Variants in TNS3 observed in about 807,000 individuals in gnomAD.
The protein encoded by TNS3 is tensin 3.
TNS3 carries 45 observed loss-of-function variants against 140.9 expected under a neutral mutation model. That is an observed-to-expected ratio of 0.32 (90% CI 0.25 to 0.41). The LOEUF (loss-of-function observed/expected upper bound fraction) is 0.41. Ranked by LOEUF, TNS3 falls within the 10% of genes least tolerant of loss-of-function variation. The probability of loss-of-function intolerance (pLI) is 1.00; values close to 1 mark genes in which losing one functional copy is unlikely to be tolerated. For missense variants in TNS3, 1,716 were observed against 1,906.7 expected (o/e 0.90, Z 1.86); for synonymous variants, 815 against 788.4 (o/e 1.03, Z -0.56).
intron 6 of TNS3, among the ~76,000 whole-genome samples, chr7:47,439,100 T>C (rs1278043159): frequency 1.3e-5 from 2 of 152,154 alleles, no homozygotes; most frequent in Non-Finnish European, 2.9e-5. Context: ...CCCACCTAAT[T>C]TGTCTTCCTA....
intron 1 of TNS3, among the ~76,000 whole-genome samples, chr7:47,533,285 C>G (rs937240898): frequency 3.3e-5 from 5 of 150,880 alleles, no homozygotes; most frequent in Non-Finnish European, 7.4e-5. Flanking sequence ...GCACCCGCCA[C>G]CATGCCTGGC....
chr7:47,284,654 T>C (rs559127305), intron 27 of TNS3, among the ~76,000 whole-genome samples: 22 of 152,356 alleles, frequency 1.4e-4, no homozygotes, highest in Admixed American at 1.2e-3. Context: ...GGGCCTCTCC[T>C]GCCCAAAGGC....
At chr7:47,404,183 C>G (rs1296505023) in intron 13 of TNS3, among the ~76,000 whole-genome samples, 1 of 152,198 alleles carries the variant, frequency 6.6e-6, no homozygotes, top group African/African-American at 2.4e-5. Flanking sequence ...CTGCGCACAG[C>G]CTGTCACCAT....
At chr7:47,481,269 C>A in intron 3 of TNS3, 128 bp from the exon 4 acceptor site, 1 of 616,134 alleles carries the variant, frequency 1.6e-6, no homozygotes, top group South Asian at 1.6e-5. Context: ...AAAGCTGTAG[C>A]AGATCAAGAC....
intron 13 of TNS3, among the ~76,000 whole-genome samples, chr7:47,410,316 C>T (rs2151401560): frequency 6.6e-6 from 1 of 152,312 alleles, no homozygotes; most frequent in East Asian, 1.9e-4. Flanking sequence ...GGAAACGGGC[C>T]TATAAAAACG....
Position 47,413,908 on chromosome 7 carries a change from ACAGCAGCAG to A in TNS3, c.647+20_647+28del, listed in dbSNP as rs548858209. 7 of 1,599,924 alleles carry A rather than the reference ACAGCAGCAG, an allele frequency of 4.4e-6. No individual in the cohort carries two copies. The highest frequency in any genetic ancestry group is 2.2e-5 in the East Asian group (1 of 44,538). On this transcript the variant is annotated intron_variant, in intron 12 of 30. Coordinates refer to ENST00000311160, the MANE Select transcript of TNS3 (RefSeq NM_022748.12). ...TTCCCTGAGCCGTCCAGGTCCCACA[ACAGCAGCAG>A]CAGCAGCAGCAGCACTCACTAGATC... is the stretch of plus-strand genomic sequence containing the variant.
At chr7:47,330,063 G>A (rs544346106) in intron 20 of TNS3, among the ~76,000 whole-genome samples, 121 of 152,294 alleles carry the variant, frequency 7.9e-4, no homozygotes, top group Non-Finnish European at 1.4e-3. Context: ...TGGGCTCCAG[G>A]TGGCAGCAAG....
intron 7 of TNS3, among the ~76,000 whole-genome samples, chr7:47,436,278 G>C (rs1431554234): frequency 6.6e-6 from 1 of 152,076 alleles, no homozygotes; most frequent in African/African-American, 2.4e-5. Flanking sequence ...TTGTTAACTA[G>C]TATTAAAATA....
chr7:47,287,103 T>C (rs533927467), intron 27 of TNS3, among the ~76,000 whole-genome samples: 4 of 126,374 alleles, frequency 3.2e-5, no homozygotes, highest in African/African-American at 1.1e-4. Flanking sequence ...TATAAGACTC[T>C]ATAAAAAAAA....
chr7:47,393,674 C>G (rs533645349), intron 16 of TNS3, among the ~76,000 whole-genome samples: 27 of 152,232 alleles, frequency 1.8e-4, no homozygotes, highest in African/African-American at 6.0e-4. Context: ...CCTGAGGAGT[C>G]TGGGCATGAC....
intron 2 of TNS3, among the ~76,000 whole-genome samples, chr7:47,524,979 G>A (rs1477789439): frequency 1.3e-5 from 2 of 152,120 alleles, no homozygotes; most frequent in African/African-American, 4.8e-5. Context: ...TTTTCTTCAA[G>A]GGATGAAAAA....
At chr7:47,558,839 G>C (rs889946481) in intron 1 of TNS3, among the ~76,000 whole-genome samples, 5 of 152,108 alleles carry the variant, frequency 3.3e-5, no homozygotes, top group African/African-American at 1.2e-4. Flanking sequence ...GCCCTCCTTG[G>C]TTATGTCCAA....
intron 1 of TNS3, among the ~76,000 whole-genome samples, chr7:47,561,297 C>T (rs747269024): frequency 2.0e-5 from 3 of 152,094 alleles, no homozygotes; most frequent in Non-Finnish European, 4.4e-5. Context: ...TGCCTTTGGC[C>T]ACCACTGGGA....
chr7:47,389,089 A>AGAAGAAGAAGAG (rs1792317223), intron 16 of TNS3, among the ~76,000 whole-genome samples: 1 of 77,994 alleles, frequency 1.3e-5, no homozygotes, highest in African/African-American at 5.7e-5. Flanking sequence ...AAGAAGAGGA[A>AGAAGAAGAAGAG]GAGGAAGAGG....
intron 8 of TNS3, among the ~76,000 whole-genome samples, chr7:47,433,722 C>A (rs1795034213): frequency 6.6e-6 from 1 of 152,168 alleles, no homozygotes; most frequent in African/African-American, 2.4e-5. Flanking sequence ...GGCCCAGGCT[C>A]ACAGCTCAGG....
chr7:47,500,737 A>G (rs908957659), intron 3 of TNS3, among the ~76,000 whole-genome samples: 9 of 152,116 alleles, frequency 5.9e-5, no homozygotes, highest in African/African-American at 1.2e-4. Flanking sequence ...ACAAACAACA[A>G]AAGAGCTTTT....
intron 1 of TNS3, among the ~76,000 whole-genome samples, chr7:47,560,994 G>C (rs1800308979): frequency 6.6e-6 from 1 of 152,218 alleles, no homozygotes; most frequent in Non-Finnish European, 1.5e-5. Context: ...TTTCAGGTGT[G>C]ACTTCATGAA....
intron 4 of TNS3, among the ~76,000 whole-genome samples, chr7:47,470,948 T>G (rs866757964): frequency 5.6e-4 from 84 of 149,908 alleles, no homozygotes; most frequent in Admixed American, 2.5e-3. Flanking sequence ...GTTTTGTTTT[T>G]TGTTTTTTTT....
At chr7:47,357,356 C>T (rs1356615051) in intron 17 of TNS3, among the ~76,000 whole-genome samples, 1 of 152,170 alleles carries the variant, frequency 6.6e-6, no homozygotes, top group African/African-American at 2.4e-5. Context: ...TCACGGTGAG[C>T]TTGAGGCCTC....
Sources: allele counts gnomAD v4.1 joint callset (sites outside exome capture counted in the v4.1 genomes callset), GRCh38; gene constraint gnomAD v4.1.1; transcripts MANE v1.5; gene names NCBI Gene and HGNC (gene_info 2026-07-23, HGNC 2026-07-21).